Variants in CSMD2 observed in about 807,000 individuals in gnomAD.
The protein encoded by CSMD2 is CUB and Sushi multiple domains 2, also known as CUB and sushi domain-containing protein 2.
A neutral mutation model predicts 398.5 loss-of-function variants in CSMD2; 130 were observed. The ratio of observed to expected loss-of-function variants is 0.33; its 90% CI spans 0.28 to 0.38. The LOEUF (loss-of-function observed/expected upper bound fraction) is 0.38, where lower values mean the gene tolerates loss of function less well. CSMD2 is among the 10% of genes least tolerant of loss of function. The pLI is 1.00. For missense variants in CSMD2, 3,829 were observed against 4,764.9 expected, an observed-to-expected ratio of 0.80 and a Z score of 5.78; for synonymous variants, 1,828 against 1,908.5, an observed-to-expected ratio of 0.96 and a Z score of 1.10.
In CSMD2 at chr1:34,113,499, A is replaced by G. The variant is rs527323673; in HGVS notation, c.188-24306T>C. 2.2e-4 allele frequency among the ~76,000 whole-genome samples: 33 copies of G among 152,308 alleles called. No homozygotes were observed. In the East Asian group the frequency reaches 6.4e-3, roughly 29 times the overall value. On this transcript the variant is annotated intron_variant, in intron 1 of 70. Transcript: ENST00000373381. Reference sequence around the variant, plus strand: ...GCCCCATGGTCACTTGTTAGCTGGGAGAGACTTTATTATGGCCCAACAAGA... The same window carrying G: ...GCCCCATGGTCACTTGTTAGCTGGGGGAGACTTTATTATGGCCCAACAAGA...
intron 13 of CSMD2, 175 bp downstream of exon 13, chr1:33,772,394 C>G (rs1651397454): frequency 1.7e-6 from 1 of 587,130 alleles, no homozygotes; most frequent in African/African-American, 1.9e-5. Context: ...GTCGACATTC[C>G]TGCCAGAAAT....
In CSMD2 at chr1:33,835,683, CA is replaced by C. The variant is rs1557976856; in HGVS notation, c.1034-9910del. Among the ~76,000 whole-genome samples, 16 of 40,092 alleles carry C rather than the reference CA, an allele frequency of 4.0e-4. No homozygotes were observed. In the East Asian group the frequency reaches 5.0e-3, roughly 12 times the overall value. 26.3% of individuals were successfully genotyped at this position (40,092 alleles called of 152,430 possible). A position where few individuals can be genotyped will look rare whatever the true frequency, so the allele number is the denominator to read the frequency against. On this transcript the variant is annotated intron_variant, in intron 6 of 70. Coordinates refer to ENST00000373381, the MANE Select transcript of CSMD2 (RefSeq NM_001281956.2). ...TAAAATAAATTAAAACAAAACAAAA[CA>C]AAACAAAAAAAACAAACAAAAATAC...
intron 52 of CSMD2, among the ~76,000 whole-genome samples, chr1:33,568,156 G>A (rs12057412): frequency 0.22 from 31,972 of 145,508 alleles, 3,514 homozygotes; most frequent in South Asian, 0.29. Context: ...AAACAAACAA[G>A]AAACGCCCCC....
At chr1:33,553,642 C>T (rs1487029473) in intron 55 of CSMD2, among the ~76,000 whole-genome samples, 2 of 152,182 alleles carry the variant, frequency 1.3e-5, no homozygotes, top group Non-Finnish European at 2.9e-5. Flanking sequence ...GAAGCTGAGA[C>T]AGCCCTAAAG....
chr1:33,541,097 GCT>G, intron 59 of CSMD2, 31 bp downstream of exon 59: 1 of 1,604,422 alleles, frequency 6.2e-7, no homozygotes, highest in Non-Finnish European at 8.5e-7. Context: ...ATCTTCTTTG[GCT>G]CTCTGTCCAC....
chr1:33,822,494 G>A (rs1388123873), intron 7 of CSMD2, among the ~76,000 whole-genome samples: 1 of 152,136 alleles, frequency 6.6e-6, no homozygotes. Flanking sequence ...CCAGACACAG[G>A]TATCCTCTTG....
chr1:33,786,733 AGTCT>A (rs1653585146), intron 12 of CSMD2, among the ~76,000 whole-genome samples: 1 of 152,162 alleles, frequency 6.6e-6, no homozygotes, highest in Admixed American at 6.5e-5. Context: ...CTGCACTCAG[AGTCT>A]GTCACCCCAT....
At chr1:33,582,289 G>A (rs896759212) in intron 47 of CSMD2, among the ~76,000 whole-genome samples, 4 of 152,150 alleles carry the variant, frequency 2.6e-5, no homozygotes, top group Non-Finnish European at 4.4e-5. Context: ...CCTGGCCTAC[G>A]GGATCTACGA....
intron 2 of CSMD2, among the ~76,000 whole-genome samples, chr1:34,034,470 C>G (rs1205774347): frequency 6.6e-6 from 1 of 152,096 alleles, no homozygotes. Flanking sequence ...TCCCAGCAGC[C>G]TTTTTATCAT....
intron 1 of CSMD2, among the ~76,000 whole-genome samples, chr1:34,129,031 A>G (rs1203654083): frequency 6.8e-6 from 1 of 146,790 alleles, no homozygotes; most frequent in African/African-American, 2.5e-5. Context: ...ACACATATAC[A>G]TTTTGCACAC....
chr1:34,164,775 A>G lies in CSMD2; in HGVS notation c.187+136T>C. 1 of 722,920 alleles carries G rather than the reference A, an allele frequency of 1.4e-6. No individual in the cohort carries two copies. The highest frequency in any genetic ancestry group is 1.8e-6 in the Non-Finnish European group (1 of 549,802). The allele number at this position is 722,920 out of a possible 1,614,324, so 44.8% of individuals were successfully genotyped here. On this transcript the variant is annotated intron_variant, in intron 1 of 70. Transcript: ENST00000373381. This position sits in a 1 kb window ranked among gnomAD's most constrained non-coding sequence, Gnocchi z 6.2. ...CGGAGGCAGGGATGAGAATGAGAGT[A>G]GGCAACTGGGAGGGTGGGAGATTCA...
chr1:33,999,527 T>C (rs990606721), intron 3 of CSMD2, among the ~76,000 whole-genome samples: 1 of 151,998 alleles, frequency 6.6e-6, no homozygotes, highest in African/African-American at 2.4e-5. Context: ...TCCTGAGTAG[T>C]TGGGACCGCA....
chr1:33,626,465 C>T (rs1215908400), intron 33 of CSMD2, 21 bp downstream of exon 33: 20 of 1,555,156 alleles, frequency 1.3e-5, no homozygotes, highest in South Asian at 4.8e-5. Context: ...TTCCTACCTC[C>T]GGCGTCCATG....
intron 41 of CSMD2, 58 bp downstream of exon 41, chr1:33,610,983 G>A (rs759915081): frequency 1.4e-5 from 21 of 1,520,904 alleles, no homozygotes; most frequent in Non-Finnish European, 1.9e-5. Flanking sequence ...GAAGGTGGGT[G>A]GCTGGGGCAA....
chr1:34,091,720 G>C (rs1658586607), intron 1 of CSMD2, among the ~76,000 whole-genome samples: 1 of 152,080 alleles, frequency 6.6e-6, no homozygotes, highest in Non-Finnish European at 1.5e-5. Flanking sequence ...ATGTAACCCT[G>C]ATTAAAATAA....
chr1:34,075,617 G>C (rs1011404980), intron 2 of CSMD2, among the ~76,000 whole-genome samples: 2 of 152,214 alleles, frequency 1.3e-5, no homozygotes, highest in African/African-American at 4.8e-5. Context: ...ATTAAGAGAT[G>C]CTTAGCTGTG....
intron 8 of CSMD2, 95 bp from the exon 9 acceptor site, chr1:33,819,932 T>G: frequency 6.6e-7 from 1 of 1,514,284 alleles, no homozygotes; most frequent in Non-Finnish European, 9.0e-7. Flanking sequence ...GCACATGTTA[T>G]TTTTCCTTCT....
At position 33,567,750 on chromosome 1, in the gene CSMD2, A is replaced by G; in HGVS notation, c.8223T>C (p.Thr2741=). The change falls in exon 53 of 71, where the codon ACT becomes ACC. Residue 2741 remains threonine, a synonymous_variant. Transcript: ENST00000373381. ...PSLTKAGHCG[T]PEPIVNGHIN... ...TGTGTCCGTTGACAATGGGCTCAGG[A>G]GTCCCACAGTGTCCAGCTTTGGTGA... The G allele has an allele frequency of 1.2e-6, 2 of 1,614,022 alleles. No individual in the cohort carries two copies. Among genetic ancestry groups the G allele is most frequent in the African/African-American group, 1.3e-5 (1 of 75,014 alleles).
chr1:33,605,771 G>C (rs1016456465), intron 41 of CSMD2: 11 of 1,028,674 alleles, frequency 1.1e-5, no homozygotes, highest in Admixed American at 2.6e-5. Flanking sequence ...GAGGCTCAAG[G>C]AAGACATTGC....
Sources: gnomAD v4.1 joint callset for allele counts (sites outside exome capture counted in the v4.1 genomes callset) on GRCh38, gnomAD v4.1.1 for gene constraint, Gnocchi (gnomAD v3.1) non-coding constraint, MANE v1.5 for transcripts, NCBI Gene and HGNC (gene_info 2026-07-23, HGNC 2026-07-21) for gene names.